SLC9A2: variants seen among roughly 807,000 people sequenced by gnomAD.
SLC9A2 encodes the protein sodium/hydrogen exchanger 2.
SLC9A2 carries 42 observed loss-of-function variants against 71.7 expected under a neutral mutation model. That is an observed-to-expected ratio of 0.59 (90% CI 0.46 to 0.76). The LOEUF is 0.76. SLC9A2 is among the 30% of genes least tolerant of loss of function. SLC9A2 has a pLI of 0.00. For synonymous variants in SLC9A2, 396 were observed against 392.5 expected, an observed-to-expected ratio of 1.01 and a Z score of -0.10; for missense variants, 829 against 1,017.4, an observed-to-expected ratio of 0.81 and a Z score of 2.52.
At chr2:102,650,951 T>C (rs1221376125) in intron 1 of SLC9A2, among the ~76,000 whole-genome samples, 1 of 152,238 alleles carries the variant, frequency 6.6e-6, no homozygotes, top group African/African-American at 2.4e-5. Context: ...GCGTTTACCA[T>C]CTTGAGTTTC....
chr2:102,701,355 G>C, intron 8 of SLC9A2, 124 bp downstream of exon 8: 5 of 722,386 alleles, frequency 6.9e-6, no homozygotes, highest in Non-Finnish European at 8.7e-6. Context: ...GCCTCCCAGA[G>C]TGCTGGGATT....
At chr2:102,637,159 C>T (rs985647806) in intron 1 of SLC9A2, among the ~76,000 whole-genome samples, 1 of 152,188 alleles carries the variant, frequency 6.6e-6, no homozygotes, top group Non-Finnish European at 1.5e-5. Context: ...AGAGCAAGCT[C>T]TGTGACTGCT....
At chr2:102,703,485 C>T (rs1052273720) in intron 9 of SLC9A2, among the ~76,000 whole-genome samples, 2 of 152,170 alleles carry the variant, frequency 1.3e-5, no homozygotes, top group Admixed American at 1.3e-4. Context: ...GCTCCCCCAA[C>T]AGCCACCATA....
Position 102,619,862 on chromosome 2 carries a change from G to T in SLC9A2, c.14G>T (p.Gly5Val). The T allele has an allele frequency of 6.5e-7, 1 of 1,532,190 alleles. No individual in the cohort carries two copies. The allele number at this position is 1,532,190 out of a possible 1,614,324, so 94.9% of individuals were successfully genotyped here. ...CCGGCGGCACCCATGGAACCACTGG[G>T]CAACTGGAGGAGCCTGCGGGCGCCA... is the stretch of plus-strand genomic sequence containing the variant. MEPL[G>V]NWRSLRAPLP... The change falls in exon 1 of 12, where the codon GGC becomes GTC. Residue 5 changes from glycine (G) to valine (V), a missense_variant. This residue lies in a region of SLC9A2 where 106 missense variants were observed against 93.5 expected (regional missense o/e 1.13). Transcript: ENST00000233969. The surrounding 1 kb of genome is among the most constrained non-coding windows in gnomAD (Gnocchi z 4.3).
At chr2:102,669,093 G>A (rs181845566) in intron 3 of SLC9A2, among the ~76,000 whole-genome samples, 20 of 152,316 alleles carry the variant, frequency 1.3e-4, no homozygotes, top group African/African-American at 3.8e-4. Context: ...TGCACCTCGG[G>A]TGTTCATAAA....
chr2:102,703,682 A>G (rs1303829285), intron 9 of SLC9A2, among the ~76,000 whole-genome samples: 1 of 152,228 alleles, frequency 6.6e-6, no homozygotes, highest in Admixed American at 6.5e-5. Context: ...ATAGAACCTA[A>G]TATATTTCTG....
rs562004716 is a variant in SLC9A2 at position 102,692,302 on chromosome 2, TG to T, written c.1426-2110del. Among the ~76,000 whole-genome samples the T allele has an allele frequency of 3.5e-3, 530 of 152,300 alleles. 3 individuals are homozygous for T. Among genetic ancestry groups the T allele is most frequent in the African/African-American group, 0.012 (492 of 41,572 alleles). On this transcript the variant is annotated intron_variant, in intron 5 of 11. Coordinates refer to ENST00000233969, the MANE Select transcript of SLC9A2 (RefSeq NM_003048.6). ...TGAAAAATGCCCAGAGCTAGACTGA[TG>T]GAAAAAAGCCAATCACCTCCTTTAA...
chr2:102,683,378 C>T lies in SLC9A2; in HGVS notation c.1122C>T (p.Ile374=). 6.2e-7 allele frequency: 1 copy of T among 1,614,158 alleles called. No homozygotes were observed. Among genetic ancestry groups the T allele is most frequent in the South Asian group, 1.1e-5 (1 of 91,082 alleles). ...KMLSSVSETL[I]FIFMGVSTVG... ...TGAGCAGTGTCAGCGAAACCTTGAT[C>T]TTCATCTTCATGGGTGTGTCTACCG... is the stretch of plus-strand genomic sequence containing the variant. Residue 374 remains isoleucine (I), a synonymous_variant, in exon 4 of 12, where the codon ATC becomes ATT. Transcript: ENST00000233969.
intron 9 of SLC9A2, 27 bp downstream of exon 9, chr2:102,702,529 T>C: frequency 7.5e-7 from 1 of 1,337,200 alleles, no homozygotes; most frequent in Non-Finnish European, 1.1e-6. Context: ...TAGCAAAATA[T>C]TTACTTACCT....
At chr2:102,694,293 A>C (rs1180645425) in intron 5 of SLC9A2, 121 bp from the exon 6 acceptor site, 2 of 271,400 alleles carry the variant, frequency 7.4e-6, no homozygotes, top group Non-Finnish European at 1.4e-5. Flanking sequence ...AAAGCTTAGG[A>C]GAAGTTACCC....
rs888830366 is a variant in SLC9A2 at position 102,620,112 on chromosome 2, C to A, written c.264C>A (p.Ile88=). ...VQIPFEITLW[I]LLASLAKIGF... is the part of the protein sequence containing the mutation. ...TCCCCTTCGAGATCACCCTTTGGAT[C>A]CTGCTGGCCTCCCTGGCCAAGATTG... Residue 88 remains isoleucine, a synonymous_variant, in exon 1 of 12, where the codon ATC becomes ATA. Transcript: ENST00000233969. 28 of 1,607,738 alleles carry A rather than the reference C, an allele frequency of 1.7e-5. No homozygotes were observed. The highest frequency in any genetic ancestry group is 2.3e-5 in the Non-Finnish European group (27 of 1,175,304).
At chr2:102,640,152 C>T (rs1002919823) in intron 1 of SLC9A2, among the ~76,000 whole-genome samples, 5 of 152,174 alleles carry the variant, frequency 3.3e-5, no homozygotes, top group East Asian at 1.9e-4. Flanking sequence ...CCTAAGGAAA[C>T]GAGCCAGCTC....
intron 1 of SLC9A2, among the ~76,000 whole-genome samples, chr2:102,627,399 A>G (rs1245472713): frequency 6.6e-6 from 1 of 152,198 alleles, no homozygotes; most frequent in Non-Finnish European, 1.5e-5. Context: ...TGGTTTTGGT[A>G]TATGGATAGA....
intron 1 of SLC9A2, among the ~76,000 whole-genome samples, chr2:102,628,296 A>G (rs532896531): frequency 6.6e-6 from 1 of 152,308 alleles, no homozygotes; most frequent in African/African-American, 2.4e-5. Flanking sequence ...GTAGGAAACC[A>G]TGGGTGTTCT....
chr2:102,667,899 G>A (rs1458305284), intron 3 of SLC9A2, among the ~76,000 whole-genome samples: 7 of 151,576 alleles, frequency 4.6e-5, no homozygotes, highest in Non-Finnish European at 1.0e-4. Context: ...GTGAAACCCC[G>A]TCTCTACTAA....
At chr2:102,704,237 C>A (rs1468604216) in intron 9 of SLC9A2, among the ~76,000 whole-genome samples, 1 of 152,034 alleles carries the variant, frequency 6.6e-6, no homozygotes, top group Non-Finnish European at 1.5e-5. Context: ...TGCTTGAGCC[C>A]AGGAGTTGGA....
At chr2:102,651,343 A>C (rs1269847251) in intron 1 of SLC9A2, among the ~76,000 whole-genome samples, 1 of 152,158 alleles carries the variant, frequency 6.6e-6, no homozygotes, top group Non-Finnish European at 1.5e-5. Flanking sequence ...CAGGCTCTGC[A>C]GGCTCTAGCA....
At chr2:102,652,864 G>A (rs1676860604) in intron 1 of SLC9A2, among the ~76,000 whole-genome samples, 1 of 152,158 alleles carries the variant, frequency 6.6e-6, no homozygotes, top group African/African-American at 2.4e-5. Flanking sequence ...TATCAGGTAG[G>A]ATGATGATTC....
intron 7 of SLC9A2, among the ~76,000 whole-genome samples, chr2:102,699,465 G>A (rs958429374): frequency 2.6e-5 from 4 of 152,148 alleles, no homozygotes; most frequent in Non-Finnish European, 4.4e-5. Context: ...TTTTTAACGG[G>A]AGCACTTGGG....
Sources: gnomAD v4.1 joint callset for allele counts (sites outside exome capture counted in the v4.1 genomes callset) on GRCh38, gnomAD v4.1.1 for gene constraint, gnomAD v4.1.1 regional missense constraint, Gnocchi (gnomAD v3.1) non-coding constraint, MANE v1.5 for transcripts, NCBI Gene and HGNC (gene_info 2026-07-23, HGNC 2026-07-21) for gene names.